Variants in PRPF8 observed in about 807,000 individuals in gnomAD.
PRPF8 encodes pre-mRNA processing factor 8.
PRPF8 carries 64 observed loss-of-function variants against 285.9 expected under a neutral mutation model. The ratio of observed to expected loss-of-function variants is 0.22; its 90% CI spans 0.18 to 0.28. The LOEUF is 0.28. PRPF8 is among the 10% of genes least tolerant of loss of function. The pLI, the probability that PRPF8 is intolerant of heterozygous loss-of-function variation, is 1.00. For synonymous variants in PRPF8, 1,325 were observed against 1,118.2 expected (o/e 1.18, Z -3.69); for missense variants, 1,426 against 3,026.7 (o/e 0.47, Z 12.41).
Position 1,651,840 on chromosome 17 carries a change from T to C in PRPF8, c.6370-52A>G, listed in dbSNP as rs766679115. The C allele has an allele frequency of 1.3e-6, 2 of 1,598,344 alleles. No homozygotes were observed. Among genetic ancestry groups the C allele is most frequent in the South Asian group, 1.1e-5 (1 of 90,692 alleles). On this transcript the variant is annotated intron_variant, in intron 39 of 42. Coordinates refer to ENST00000304992, the MANE Select transcript of PRPF8 (RefSeq NM_006445.4). This position sits in a 1 kb window ranked among gnomAD's most constrained non-coding sequence, Gnocchi z 5.1. The stretch of plus-strand genomic sequence containing the variant: ...AACTCTTCTTAGTACCAGGTCAGAG[T>C]TGGAGCTGCCAGCCCTCTGTTTCCT...
rs1163645455 is a variant in PRPF8 at position 1,679,594 on chromosome 17, AG to A, written c.1289+14del. On this transcript the variant is annotated intron_variant, in intron 9 of 42. Coordinates refer to ENST00000304992, the MANE Select transcript of PRPF8 (RefSeq NM_006445.4). This position sits in a 1 kb window ranked among gnomAD's most constrained non-coding sequence, Gnocchi z 4.7. The stretch of plus-strand genomic sequence containing the variant: ...CATCCACTATCATTCCCCCTGCCAC[AG>A]GGAAAAACCTTACCAGTTCTTGACA... The A allele has an allele frequency of 7.4e-6, 12 of 1,612,676 alleles. No individual in the cohort carries two copies. The highest frequency in any genetic ancestry group is 1.0e-5 in the Non-Finnish European group (12 of 1,179,852).
In PRPF8 at chr17:1,681,936, A is replaced by G. The variant is rs1269728071; in HGVS notation, c.537T>C (p.Ala179=). The change falls in exon 5 of 43, where the codon GCT becomes GCC. Residue 179 remains alanine (A), a synonymous_variant. Transcript: ENST00000304992. ...GTGGCTCAACATCTAGGATGTTGTC[A>G]GCATAGTCCAAGGGCGGCTCCTCAT... is the stretch of plus-strand genomic sequence containing the variant. The part of the protein sequence containing the change: ...FDDEEPPLDY[A]DNILDVEPLE... 1 of 1,613,832 alleles carries G rather than the reference A, an allele frequency of 6.2e-7. No homozygotes were observed. The highest frequency in any genetic ancestry group is 8.5e-7 in the Non-Finnish European group (1 of 1,179,992).
chr17:1,681,743 C>T (rs1194012287), intron 5 of PRPF8, 53 bp from the exon 6 acceptor site: 1 of 1,609,422 alleles, frequency 6.2e-7, no homozygotes, highest in African/African-American at 1.3e-5. Context: ...CAAACCCATA[C>T]CACCTACTGA....
In PRPF8 at chr17:1,658,889, C is replaced by A. The variant is rs919875879; in HGVS notation, c.5139-126G>T. On this transcript the variant is annotated intron_variant, in intron 32 of 42. Coordinates refer to ENST00000304992, the MANE Select transcript of PRPF8 (RefSeq NM_006445.4). This position sits in a 1 kb window ranked among gnomAD's most constrained non-coding sequence, Gnocchi z 4.1. Reference sequence around the variant, plus strand: ...GCTGACAACACTCTGCTCATGTGTACATACAGGCTGGAGAAGAGAATCAGT... The same window carrying A: ...GCTGACAACACTCTGCTCATGTGTAAATACAGGCTGGAGAAGAGAATCAGT... 1 of 837,790 alleles carries A rather than the reference C, an allele frequency of 1.2e-6. No homozygotes were observed. The allele number at this position is 837,790 out of a possible 1,614,324, so 51.9% of individuals were successfully genotyped here. A position where few individuals can be genotyped will look rare whatever the true frequency, so the allele number is the denominator to read the frequency against.
At position 1,675,179 on chromosome 17, in the gene PRPF8, G is replaced by A; in HGVS notation, c.3033C>T (p.Ala1011=). 1 of 1,614,010 alleles carries A rather than the reference G, an allele frequency of 6.2e-7. No homozygotes were observed. The highest frequency in any genetic ancestry group is 1.1e-5 in the South Asian group (1 of 91,072). ...TATAGTTGATGACGACGTTGTTCTT[G>A]GCTGTCATGTAGTCGGCTATGTTGT... The part of the protein sequence containing the change: ...VDHNIADYMT[A]KNNVVINYKD... Residue 1011 remains alanine, a synonymous_variant, in exon 20 of 43, where the codon GCC becomes GCT. Coordinates refer to ENST00000304992, the MANE Select transcript of PRPF8 (RefSeq NM_006445.4). The surrounding 1 kb of genome is among the most constrained non-coding windows in gnomAD (Gnocchi z 6.0).
rs1342616795 is a variant in PRPF8 at position 1,679,345 on chromosome 17, T to C, written c.1355A>G (p.Lys452Arg). The change falls in exon 10 of 43, where the codon AAG becomes AGG. Residue 452 changes from lysine to arginine, a missense_variant. Physicochemically the swap from Lys to Arg is conservative, Grantham distance 26. Coordinates refer to ENST00000304992, the MANE Select transcript of PRPF8 (RefSeq NM_006445.4). The surrounding 1 kb of genome is among the most constrained non-coding windows in gnomAD (Gnocchi z 4.7). ...KVRVSYQKLL[K>R]YYVLNALKHR... ...CTTCAGGGCATTCAGCACATAGTAC[T>C]TAAGCAGCTTCTGGTAGGAGACCCT... The C allele has an allele frequency of 6.2e-7, 1 of 1,613,938 alleles. No individual in the cohort carries two copies. Among genetic ancestry groups the C allele is most frequent in the Non-Finnish European group, 8.5e-7 (1 of 1,180,038 alleles).
Position 1,651,080 on chromosome 17 carries a change from C to T in PRPF8, c.6853+28G>A, listed in dbSNP as rs1315457039. 16 of 1,613,904 alleles carry T rather than the reference C, an allele frequency of 9.9e-6. No homozygotes were observed. Among genetic ancestry groups the T allele is most frequent in the Non-Finnish European group, 1.2e-5 (14 of 1,179,892 alleles). On this transcript the variant is annotated intron_variant, in intron 42 of 42. Transcript: ENST00000304992. This position sits in a 1 kb window ranked among gnomAD's most constrained non-coding sequence, Gnocchi z 5.1. ...GCCTCACCTTATCCCTACTGCTATC[C>T]CCACATCCCCAGGCTCCTCCCACTT...
At chr17:1,672,326 C>A (rs956507562) in intron 24 of PRPF8, among the ~76,000 whole-genome samples, 1 of 152,292 alleles carries the variant, frequency 6.6e-6, no homozygotes, top group Middle Eastern at 3.4e-3. Flanking sequence ...GTCGCCCAGG[C>A]TAGAGTGCAA....
At chr17:1,654,884 G>C (rs1911273558) in intron 37 of PRPF8, 1 of 179,364 alleles carries the variant, frequency 5.6e-6, no homozygotes. Flanking sequence ...TCCCACCTTG[G>C]CCTCCCAAAG....
In PRPF8 at chr17:1,679,573, C is replaced by A; in HGVS notation, c.1289+36G>T. ...GTTGGAGTCTTTTCTCCTACACATC[C>A]ACTATCATTCCCCCTGCCACAGGGA... is the stretch of plus-strand genomic sequence containing the variant. On this transcript the variant is annotated intron_variant, in intron 9 of 42. Transcript: ENST00000304992. This position sits in a 1 kb window ranked among gnomAD's most constrained non-coding sequence, Gnocchi z 4.7. 1 of 1,611,330 alleles carries A rather than the reference C, an allele frequency of 6.2e-7. No individual in the cohort carries two copies. Among genetic ancestry groups the A allele is most frequent in the Non-Finnish European group, 8.5e-7 (1 of 1,179,242 alleles).
At chr17:1,657,943 C>T (rs1911480117) in intron 34 of PRPF8, among the ~76,000 whole-genome samples, 1 of 149,534 alleles carries the variant, frequency 6.7e-6, no homozygotes, top group South Asian at 2.1e-4. Flanking sequence ...TGTGCTCCAG[C>T]CTGGGCCACA....
At chr17:1,678,324 C>CAA in intron 13 of PRPF8, 194 bp downstream of exon 13, 23 of 591,602 alleles carry the variant, frequency 3.9e-5, no homozygotes, top group African/African-American at 1.7e-4. Flanking sequence ...CAAAACAAAA[C>CAA]AAAAAAAAAA....
At chr17:1,657,144 C>A (rs1911428455) in intron 34 of PRPF8, among the ~76,000 whole-genome samples, 1 of 152,090 alleles carries the variant, frequency 6.6e-6, no homozygotes, top group South Asian at 2.1e-4. Context: ...AAGCAAAACA[C>A]AGATTTGGAG....
At position 1,675,456 on chromosome 17, in the gene PRPF8, G is replaced by C; in HGVS notation, c.2873-117C>G. On this transcript the variant is annotated intron_variant, in intron 19 of 42. Transcript: ENST00000304992. This position sits in a 1 kb window ranked among gnomAD's most constrained non-coding sequence, Gnocchi z 6.0. The stretch of plus-strand genomic sequence containing the variant: ...CCACTATGATTCCACGTATTCATTT[G>C]GATTGCTTTGACTATGGGCTTTTCC... The C allele has an allele frequency of 6.9e-7, 1 of 1,444,802 alleles. No homozygotes were observed. The highest frequency in any genetic ancestry group is 1.4e-5 in the African/African-American group (1 of 71,236). The allele number at this position is 1,444,802 out of a possible 1,614,324, so 89.5% of individuals were successfully genotyped here.
At chr17:1,654,813 G>T (rs62088053) in intron 37 of PRPF8, 1 of 162,056 alleles carries the variant, frequency 6.2e-6, no homozygotes, top group Admixed American at 5.7e-5. Flanking sequence ...TTTTTTTTTG[G>T]TAGAGATGGC....
chr17:1,678,490 A>C, intron 13 of PRPF8, 28 bp downstream of exon 13: 2 of 1,614,042 alleles, frequency 1.2e-6, no homozygotes, highest in Non-Finnish European at 1.7e-6. Context: ...TCTCAAAAAA[A>C]AGAAAGTCAG....
chr17:1,680,359 A>G, intron 8 of PRPF8: 1 of 362,874 alleles, frequency 2.8e-6, no homozygotes, highest in African/African-American at 2.1e-5. Flanking sequence ...GACAGTTGGG[A>G]CAACTCTGAG....
At position 1,656,633 on chromosome 17, in the gene PRPF8, A is replaced by G. The variant is rs754344326; in HGVS notation, c.5619+15T>C. On this transcript the variant is annotated intron_variant, in intron 35 of 42. Coordinates refer to ENST00000304992, the MANE Select transcript of PRPF8 (RefSeq NM_006445.4). ...CTCAAGGTCTCTTTTCTCCTACCCC[A>G]CCCCACCCTCTTACCTCCAGTGGGT... 1.9e-6 allele frequency: 3 copies of G among 1,613,542 alleles called. No individual in the cohort carries two copies. The East Asian group carries it at 6.7e-5, about 36-fold the overall frequency.
chr17:1,679,930 C>T lies in PRPF8; in HGVS notation c.1099-131G>A, dbSNP rs1912816632. ...AAACTGGGCTGTCTGACAAAAGCAG[C>T]CCTGAAGTGCCAGCACAAAGGAAAC... is the stretch of plus-strand genomic sequence containing the variant. On this transcript the variant is annotated intron_variant, in intron 8 of 42. Transcript: ENST00000304992. The surrounding 1 kb of genome is among the most constrained non-coding windows in gnomAD (Gnocchi z 4.7). The T allele has an allele frequency of 2.8e-6, 3 of 1,060,730 alleles. No individual in the cohort carries two copies. The highest frequency in any genetic ancestry group is 1.3e-5 in the South Asian group (1 of 78,636). 65.7% of individuals were successfully genotyped at this position (1,060,730 alleles called of 1,614,324 possible). A position where few individuals can be genotyped will look rare whatever the true frequency, so the allele number is the denominator to read the frequency against.
Sources: gnomAD v4.1 joint callset for allele counts (sites outside exome capture counted in the v4.1 genomes callset) on GRCh38, gnomAD v4.1.1 for gene constraint, Gnocchi (gnomAD v3.1) non-coding constraint, MANE v1.5 for transcripts, NCBI Gene and HGNC (gene_info 2026-07-23, HGNC 2026-07-21) for gene names.